The following PDXK variants were observed in gnomAD, a reference collection of about 807,000 sequenced individuals.
PDXK encodes pyridoxal kinase.
In PDXK, 15 loss-of-function variants were observed where a neutral mutation model predicts 43.2. The observed-to-expected ratio is 0.35, with a 90% CI of 0.23 to 0.53. The LOEUF is 0.53. PDXK is among the 20% of genes least tolerant of loss of function. The pLI, the probability that PDXK is intolerant of heterozygous loss-of-function variation, is 0.92. For synonymous variants in PDXK, 172 were observed against 165.4 expected (o/e 1.04, Z -0.31); for missense variants, 343 against 417.0 (o/e 0.82, Z 1.54).
intron 2 of PDXK, chr21:43,738,630 C>G (rs573420572): frequency 6.6e-6 from 1 of 152,398 alleles, no homozygotes; most frequent in Non-Finnish European, 1.5e-5. Context: ...GAAAGACATT[C>G]CTTCGAAGCA....
At chr21:43,741,541 G>A in intron 2 of PDXK, 126 bp from the exon 3 acceptor site, 1 of 1,507,946 alleles carries the variant, frequency 6.6e-7, no homozygotes, top group Non-Finnish European at 8.8e-7. Flanking sequence ...CTTCGGGTTT[G>A]AGCCAGTCCA....
intron 2 of PDXK, 49 bp from the exon 3 acceptor site, chr21:43,741,618 C>T (rs2083531735): frequency 6.3e-7 from 1 of 1,595,188 alleles, no homozygotes; most frequent in Non-Finnish European, 8.6e-7. Context: ...GCCCACGGCC[C>T]CAGCTGGCCC....
chr21:43,724,568 G>A (rs1340683710), intron 1 of PDXK, among the ~76,000 whole-genome samples: 2 of 152,006 alleles, frequency 1.3e-5, no homozygotes, highest in African/African-American at 4.8e-5. Flanking sequence ...AAGCCCAGGT[G>A]CGGTGGCTCA....
intron 9 of PDXK, among the ~76,000 whole-genome samples, chr21:43,755,083 C>T (rs2083822982): frequency 6.6e-6 from 1 of 152,238 alleles, no homozygotes; most frequent in Admixed American, 6.5e-5. Context: ...GGAGGCCTCA[C>T]TGCCAGGCCG....
rs1173471821 is a variant in PDXK at position 43,757,599 on chromosome 21, A to G, written c.*1536A>G. 6.6e-6 allele frequency: 1 copy of G among 152,218 alleles called. No homozygotes were observed. Among genetic ancestry groups the G allele is most frequent in the African/African-American group, 2.4e-5 (1 of 41,432 alleles). The allele number at this position is 152,218 out of a possible 1,614,324, so 9.4% of individuals were successfully genotyped here. ...CCCTGAAGCGAAAAGATGCAGGTTT[A>G]TATGGAACCCCCACCCCCTCCCCCA... On this transcript the variant is annotated 3_prime_UTR_variant, in exon 11 of 11. Coordinates refer to ENST00000291565, the MANE Select transcript of PDXK (RefSeq NM_003681.5).
chr21:43,743,118 T>TC (rs1275805723), intron 3 of PDXK, among the ~76,000 whole-genome samples: 1 of 17,334 alleles, frequency 5.8e-5, no homozygotes, highest in Non-Finnish European at 1.1e-4. Context: ...CTCCCCCCGC[T>TC]CTGAGCACTA....
chr21:43,737,089 C>G lies in PDXK; in HGVS notation c.142+2966C>G, dbSNP rs754566167. ...CTGGGACTATAGTTGTGCACCAGCACGCCCACCTCCTGCCCAGGGTTGTTA... is the reference window on the plus strand; with the variant it reads ...CTGGGACTATAGTTGTGCACCAGCAGGCCCACCTCCTGCCCAGGGTTGTTA... On this transcript the variant is annotated intron_variant, in intron 2 of 10. Transcript: ENST00000291565. The surrounding 1 kb of genome is among the most constrained non-coding windows in gnomAD (Gnocchi z 4.8). 1 of 854,244 alleles carries G rather than the reference C, an allele frequency of 1.2e-6. No homozygotes were observed. Among genetic ancestry groups the G allele is most frequent in the Admixed American group, 2.0e-5 (1 of 50,038 alleles). 52.9% of individuals were successfully genotyped at this position (854,244 alleles called of 1,614,324 possible). A position where few individuals can be genotyped will look rare whatever the true frequency, so the allele number is the denominator to read the frequency against.
chr21:43,721,430 G>T (rs2083205558), intron 1 of PDXK, among the ~76,000 whole-genome samples: 1 of 152,272 alleles, frequency 6.6e-6, no homozygotes, highest in Non-Finnish European at 1.5e-5. Flanking sequence ...CTCTGGCTGG[G>T]CCCCAGAGAT....
In PDXK at chr21:43,732,511, G is replaced by A. The variant is rs983140415; in HGVS notation, c.88-1558G>A. The A allele has an allele frequency of 3.6e-6, 5 of 1,381,550 alleles. No individual in the cohort carries two copies. The highest frequency in any genetic ancestry group is 2.8e-5 in the African/African-American group (2 of 70,418). The allele number at this position is 1,381,550 out of a possible 1,614,324, so 85.6% of individuals were successfully genotyped here. On this transcript the variant is annotated intron_variant, in intron 1 of 10. Transcript: ENST00000291565. This position sits in a 1 kb window ranked among gnomAD's most constrained non-coding sequence, Gnocchi z 4.1. ...TGCTCTCATTTAAAAGCAGAAAATA[G>A]CGACTTCATTCTCGGATACGTTTGC...
Position 43,753,867 on chromosome 21 carries a change from A to C in PDXK, c.759+148A>C, listed in dbSNP as rs986720724. 4 of 844,844 alleles carry C rather than the reference A, an allele frequency of 4.7e-6. No homozygotes were observed. In the African/African-American group the frequency reaches 6.9e-5, roughly 15 times the overall value. The allele number at this position is 844,844 out of a possible 1,614,324, so 52.3% of individuals were successfully genotyped here. Reference sequence around the variant, plus strand: ...CCAGTTGTGGGGGAGGGCAGTGGCCAGGCCATGACAGGAGTTGCGCCTGTC... The same window carrying C: ...CCAGTTGTGGGGGAGGGCAGTGGCCCGGCCATGACAGGAGTTGCGCCTGTC... On this transcript the variant is annotated intron_variant, in intron 9 of 10. Coordinates refer to ENST00000291565, the MANE Select transcript of PDXK (RefSeq NM_003681.5).
intron 1 of PDXK, among the ~76,000 whole-genome samples, chr21:43,724,826 G>T (rs1275665037): frequency 2.0e-5 from 3 of 150,216 alleles, no homozygotes; most frequent in Non-Finnish European, 4.4e-5. Context: ...GGGTGACAGA[G>T]TGAGACCCTG....
chr21:43,740,281 CA>C (rs2083474273), intron 2 of PDXK, among the ~76,000 whole-genome samples: 1 of 152,156 alleles, frequency 6.6e-6, no homozygotes, highest in Non-Finnish European at 1.5e-5. Flanking sequence ...GGAGGGCCCT[CA>C]GGGGCAGGAG....
intron 9 of PDXK, among the ~76,000 whole-genome samples, chr21:43,755,098 A>G (rs543669510): frequency 6.6e-6 from 1 of 152,202 alleles, no homozygotes; most frequent in Non-Finnish European, 1.5e-5. Context: ...AGGCCGCCCA[A>G]GGTCACATTC....
intron 7 of PDXK, among the ~76,000 whole-genome samples, chr21:43,750,859 T>C (rs188983385): frequency 4.0e-5 from 6 of 151,468 alleles, no homozygotes; most frequent in African/African-American, 7.3e-5. Flanking sequence ...CACATGTGCA[T>C]GTGCGTCTGT....
intron 3 of PDXK, 109 bp downstream of exon 3, chr21:43,741,880 C>T (rs1601814642): frequency 5.4e-6 from 4 of 734,216 alleles, no homozygotes; most frequent in Non-Finnish European, 9.5e-6. Flanking sequence ...GGGTCCCTGC[C>T]CCTTCAAGGA....
At position 43,756,614 on chromosome 21, in the gene PDXK, G is replaced by A. The variant is rs1429221286; in HGVS notation, c.*551G>A. On this transcript the variant is annotated 3_prime_UTR_variant, in exon 11 of 11. Coordinates refer to ENST00000291565, the MANE Select transcript of PDXK (RefSeq NM_003681.5). ...CTTTGCTGCTCGTTTAGTCCCTGGG[G>A]ATTTCAGATCTTAGGCTGTTGTTTC... The A allele has an allele frequency of 3.9e-5, 6 of 153,656 alleles. No individual in the cohort carries two copies. The allele number at this position is 153,656 out of a possible 1,614,324, so 9.5% of individuals were successfully genotyped here.
intron 2 of PDXK, chr21:43,740,880 C>T (rs979296271): frequency 7.9e-5 from 12 of 151,310 alleles, no homozygotes; most frequent in African/African-American, 2.7e-4. Flanking sequence ...CCCTACCTGC[C>T]AGGGTATCCG....
At chr21:43,729,887 C>T (rs959199359) in intron 1 of PDXK, among the ~76,000 whole-genome samples, 6 of 151,942 alleles carry the variant, frequency 3.9e-5, no homozygotes, top group South Asian at 2.1e-4. Context: ...GAGGTTGCAG[C>T]GAGCTGAGAT....
chr21:43,733,302 T>C (rs2083350381), intron 1 of PDXK, among the ~76,000 whole-genome samples: 1 of 123,272 alleles, frequency 8.1e-6, no homozygotes, highest in Non-Finnish European at 1.6e-5. Flanking sequence ...GTCCTGGTGT[T>C]GACAGCAGAG....
Sources: allele counts gnomAD v4.1 joint callset (sites outside exome capture counted in the v4.1 genomes callset), GRCh38; gene constraint gnomAD v4.1.1; non-coding constraint Gnocchi (gnomAD v3.1); transcripts MANE v1.5; gene names NCBI Gene and HGNC (gene_info 2026-07-23, HGNC 2026-07-21).